The following SPATS2L variants were observed in gnomAD, a reference collection of about 807,000 sequenced individuals.
The protein encoded by SPATS2L is spermatogenesis associated serine rich 2 like.
Under a neutral mutation model 59.6 loss-of-function variants are expected in SPATS2L, and 30 were observed. The observed-to-expected ratio is 0.50, with a 90% CI of 0.38 to 0.68. The LOEUF (loss-of-function observed/expected upper bound fraction) is 0.68. SPATS2L is among the 30% of genes least tolerant of loss of function. The probability of loss-of-function intolerance (pLI) is 0.00; values close to 1 mark genes in which losing one functional copy is unlikely to be tolerated. For synonymous variants in SPATS2L, 252 were observed against 263.5 expected, an observed-to-expected ratio of 0.96 and a Z score of 0.42; for missense variants, 615 against 700.0, an observed-to-expected ratio of 0.88 and a Z score of 1.37.
intron 1 of SPATS2L, among the ~76,000 whole-genome samples, chr2:200,312,439 G>A (rs1235111274): frequency 6.6e-6 from 1 of 152,220 alleles, no homozygotes; most frequent in East Asian, 1.9e-4. Context: ...GGACCAATGG[G>A]AATGTTTGAG....
chr2:200,360,645 G>A (rs932523626), intron 2 of SPATS2L, among the ~76,000 whole-genome samples: 3 of 152,170 alleles, frequency 2.0e-5, no homozygotes, highest in Admixed American at 6.5e-5. Flanking sequence ...AGGGGAAGCA[G>A]GTGGCAGGTG....
chr2:200,355,013 G>C (rs915258145), intron 2 of SPATS2L, among the ~76,000 whole-genome samples: 1 of 152,048 alleles, frequency 6.6e-6, no homozygotes. Context: ...AGTATGGTTG[G>C]ATATACGTAC....
At chr2:200,358,473 C>T (rs295146) in intron 2 of SPATS2L, among the ~76,000 whole-genome samples, 148,243 of 152,330 alleles carry the variant, frequency 0.97, 72,264 homozygotes, top group Middle Eastern at 1. Context: ...CAGGAAAAAC[C>T]TGGCTGCAAA....
chr2:200,366,408 C>T (rs2081270908), intron 2 of SPATS2L, among the ~76,000 whole-genome samples: 1 of 152,090 alleles, frequency 6.6e-6, no homozygotes, highest in Non-Finnish European at 1.5e-5. Flanking sequence ...ACAAATTCTG[C>T]TTATGTTTGC....
intron 5 of SPATS2L, 139 bp downstream of exon 5, chr2:200,416,567 A>C: frequency 2.4e-6 from 1 of 413,482 alleles, no homozygotes; most frequent in Non-Finnish European, 4.3e-6. Flanking sequence ...CAAATTCATG[A>C]CTCTCGGAAA....
At chr2:200,420,133 C>G (rs541093682) in intron 6 of SPATS2L, among the ~76,000 whole-genome samples, 13 of 152,106 alleles carry the variant, frequency 8.5e-5, no homozygotes, top group Non-Finnish European at 1.9e-4. Context: ...TATTACTCTT[C>G]AAAAGGCCAC....
intron 2 of SPATS2L, chr2:200,378,399 G>GCCCC (rs2081675297): frequency 2.0e-6 from 2 of 1,002,288 alleles, no homozygotes; most frequent in African/African-American, 1.7e-5. Context: ...TTGCTGGGAA[G>GCCCC]CCATAGGAAG....
At chr2:200,426,082 CTTTTTTTTTTT>C (rs769997762) in intron 6 of SPATS2L, among the ~76,000 whole-genome samples, 1 of 62,326 alleles carries the variant, frequency 1.6e-5, no homozygotes, top group East Asian at 5.0e-4. Context: ...TAGGTTTTTA[CTTTTTTTTTTT>C]TTTTTTTTTT....
intron 8 of SPATS2L, among the ~76,000 whole-genome samples, chr2:200,446,663 C>T (rs1384052434): frequency 2.6e-5 from 4 of 152,120 alleles, no homozygotes; most frequent in Non-Finnish European, 5.9e-5. Flanking sequence ...CTCATTTGTC[C>T]TGCCACCTCG....
At chr2:200,366,382 T>C (rs1169502038) in intron 2 of SPATS2L, among the ~76,000 whole-genome samples, 5 of 152,230 alleles carry the variant, frequency 3.3e-5, no homozygotes, top group African/African-American at 1.2e-4. Context: ...AGGAGGCTTT[T>C]GAGCCTGAGA....
intron 1 of SPATS2L, among the ~76,000 whole-genome samples, chr2:200,318,842 G>T (rs1041666161): frequency 5.3e-5 from 8 of 152,176 alleles, no homozygotes; most frequent in Non-Finnish European, 8.8e-5. Flanking sequence ...TATCCCAGTT[G>T]CCATTTGAAC....
rs543339003 is a variant in SPATS2L at position 200,389,372 on chromosome 2, G to C, written c.39+89G>C. 1.1e-4 allele frequency: 107 copies of C among 933,556 alleles called. No individual in the cohort carries two copies. In the South Asian group the frequency reaches 1.7e-3, roughly 15 times the overall value. 57.8% of individuals were successfully genotyped at this position (933,556 alleles called of 1,614,324 possible). A position where few individuals can be genotyped will look rare whatever the true frequency, so the allele number is the denominator to read the frequency against. On this transcript the variant is annotated intron_variant, in intron 3 of 12. Transcript: ENST00000409140. ...TAAAAACTCAATTACAGTGGAGAAA[G>C]GGAAAGTGGTTTTGGGGGATACGTA...
intron 2 of SPATS2L, among the ~76,000 whole-genome samples, chr2:200,387,911 G>T (rs1440790004): frequency 6.6e-6 from 1 of 152,152 alleles, no homozygotes; most frequent in African/African-American, 2.4e-5. Flanking sequence ...AATGGTGAAA[G>T]ATTTTGACCA....
At chr2:200,459,933 A>G (rs1351959514) in intron 9 of SPATS2L, 106 bp downstream of exon 9, 3 of 858,062 alleles carry the variant, frequency 3.5e-6, no homozygotes, top group South Asian at 1.7e-5. Flanking sequence ...CCTAAAATTT[A>G]TATTGAAATT....
At chr2:200,373,375 C>T (rs150104555) in intron 2 of SPATS2L, 12 of 151,714 alleles carry the variant, frequency 7.9e-5, no homozygotes, top group East Asian at 7.7e-4. Context: ...CTAGAGGGGT[C>T]GCATTCTGTC....
intron 1 of SPATS2L, among the ~76,000 whole-genome samples, chr2:200,314,737 C>G (rs1237818858): frequency 6.6e-6 from 1 of 152,176 alleles, no homozygotes; most frequent in African/African-American, 2.4e-5. Flanking sequence ...CTGTTCAGTA[C>G]TGTAGCCACT....
intron 5 of SPATS2L, among the ~76,000 whole-genome samples, chr2:200,417,526 G>GA (rs1450963897): frequency 6.6e-6 from 1 of 152,004 alleles, no homozygotes; most frequent in Non-Finnish European, 1.5e-5. Context: ...TTTCTGATGT[G>GA]AAAAAAAGAG....
rs548064400 is a variant in SPATS2L at position 200,386,165 on chromosome 2, GGAGCCTGTAGAGGCAGCCTTCCA to G, written c.-22-3034_-22-3012del. Among the ~76,000 whole-genome samples, 650 of 152,250 alleles carry G rather than the reference GGAGCCTGTAGAGGCAGCCTTCCA, an allele frequency of 4.3e-3. 3 individuals carry two copies. Among genetic ancestry groups the G allele is most frequent in the African/African-American group, 0.014 (585 of 41,534 alleles). On this transcript the variant is annotated intron_variant, in intron 2 of 12. Coordinates refer to ENST00000409140, the MANE Select transcript of SPATS2L (RefSeq NM_001100423.2). ...GGGTATTGGAACCCACCTGGAAGAT[GGAGCCTGTAGAGGCAGCCTTCCA>G]GAGCCTGTAGAGGCAGCCTTCCACC...
chr2:200,419,545 G>A (rs750451680), intron 6 of SPATS2L, 49 bp downstream of exon 6: 1 of 1,597,606 alleles, frequency 6.3e-7, no homozygotes, highest in East Asian at 2.2e-5. Context: ...GATGAAAAGA[G>A]CACAAAGGGA....
Sources: gnomAD v4.1 joint callset for allele counts (sites outside exome capture counted in the v4.1 genomes callset) on GRCh38, gnomAD v4.1.1 for gene constraint, MANE v1.5 for transcripts, NCBI Gene and HGNC (gene_info 2026-07-23, HGNC 2026-07-21) for gene names.